Variants in DLG2 observed in about 807,000 individuals in gnomAD.
DLG2 encodes the protein disks large homolog 2.
A neutral mutation model predicts 132.5 loss-of-function variants in DLG2; 45 were observed. The ratio of observed to expected loss-of-function variants is 0.34; its 90% CI spans 0.27 to 0.44. The LOEUF (loss-of-function observed/expected upper bound fraction) is 0.44, where lower values mean the gene tolerates loss of function less well. DLG2 is among the 20% of genes least tolerant of loss of function. The pLI, the probability that DLG2 is intolerant of heterozygous loss-of-function variation, is 1.00. For missense variants in DLG2, 1,045 were observed against 1,196.9 expected (o/e 0.87, Z 1.87); for synonymous variants, 424 against 419.6 (o/e 1.01, Z -0.13).
intron 5 of DLG2, among the ~76,000 whole-genome samples, chr11:85,138,285 T>C (rs958381637): frequency 1.3e-5 from 2 of 152,066 alleles, no homozygotes; most frequent in African/African-American, 2.4e-5. Context: ...AATGTAAACA[T>C]TCAATAAAAA....
intron 5 of DLG2, among the ~76,000 whole-genome samples, chr11:85,127,511 G>T (rs1306166841): frequency 6.6e-6 from 1 of 152,000 alleles, no homozygotes; most frequent in Non-Finnish European, 1.5e-5. Flanking sequence ...TTCTGTAATT[G>T]GTTGTTTTCC....
intron 4 of DLG2, among the ~76,000 whole-genome samples, chr11:85,181,035 ATTGT>A (rs761602762): frequency 1.3e-5 from 2 of 151,446 alleles, no homozygotes; most frequent in Non-Finnish European, 3.0e-5. Flanking sequence ...AAATTTATCA[ATTGT>A]TTATTATTTA....
At chr11:84,476,178 C>T (rs1021573191) in intron 7 of DLG2, among the ~76,000 whole-genome samples, 5 of 152,100 alleles carry the variant, frequency 3.3e-5, no homozygotes, top group Non-Finnish European at 7.4e-5. Flanking sequence ...TTCAAAATCA[C>T]ATAACTAATA....
At chr11:84,341,615 T>A (rs1052179941) in intron 7 of DLG2, among the ~76,000 whole-genome samples, 5 of 152,212 alleles carry the variant, frequency 3.3e-5, no homozygotes, top group African/African-American at 1.2e-4. Flanking sequence ...GGGTTGAGAA[T>A]CACTGCATAA....
intron 3 of DLG2, among the ~76,000 whole-genome samples, chr11:85,565,748 T>G (rs1457766160): frequency 1.3e-5 from 2 of 152,152 alleles, no homozygotes; most frequent in Non-Finnish European, 2.9e-5. Flanking sequence ...TCTTTATTCA[T>G]CAGTTGATGG....
chr11:84,703,334 C>T (rs1327198111), intron 6 of DLG2, among the ~76,000 whole-genome samples: 1 of 151,482 alleles, frequency 6.6e-6, no homozygotes, highest in African/African-American at 2.4e-5. Flanking sequence ...CTGAAGAAAA[C>T]CCTGAGACCC....
At chr11:85,235,463 A>C (rs1022480911) in intron 4 of DLG2, among the ~76,000 whole-genome samples, 1 of 151,996 alleles carries the variant, frequency 6.6e-6, no homozygotes, top group Non-Finnish European at 1.5e-5. Flanking sequence ...AATTATAGTA[A>C]GAAAAGTTTA....
chr11:84,226,072 A>C (rs1462137550), intron 8 of DLG2, among the ~76,000 whole-genome samples: 1 of 152,190 alleles, frequency 6.6e-6, no homozygotes, highest in Non-Finnish European at 1.5e-5. Flanking sequence ...TGGCCTCCCA[A>C]AGCGTTGGGA....
chr11:85,147,726 T>C (rs1045690107), intron 5 of DLG2, among the ~76,000 whole-genome samples: 16 of 151,692 alleles, frequency 1.1e-4, no homozygotes, highest in Non-Finnish European at 2.2e-4. Context: ...TGAACCAGTA[T>C]GGTCAATATT....
intron 9 of DLG2, among the ~76,000 whole-genome samples, chr11:84,160,838 G>A (rs1159430216): frequency 6.6e-6 from 1 of 152,130 alleles, no homozygotes; most frequent in Non-Finnish European, 1.5e-5. Context: ...TAGTAGACCT[G>A]GTAGTAGGAA....
At chr11:83,807,736 C>T (rs867682119) in intron 17 of DLG2, among the ~76,000 whole-genome samples, 2 of 152,100 alleles carry the variant, frequency 1.3e-5, no homozygotes, top group Non-Finnish European at 2.9e-5. Flanking sequence ...GAATACTGAA[C>T]AAGAGGGTAT....
intron 7 of DLG2, among the ~76,000 whole-genome samples, chr11:84,285,824 C>G (rs2097904058): frequency 6.6e-6 from 1 of 152,124 alleles, no homozygotes; most frequent in African/African-American, 2.4e-5. Context: ...TGGATAAAAA[C>G]TAGTTCTTTT....
intron 7 of DLG2, chr11:84,317,151 A>G (rs953664537): frequency 1.6e-5 from 25 of 1,603,132 alleles, no homozygotes; most frequent in Non-Finnish European, 2.1e-5. Context: ...TTCATACTGC[A>G]CTGATGCCTA....
chr11:85,506,880 G>T (rs1181774326), intron 3 of DLG2, among the ~76,000 whole-genome samples: 5 of 151,946 alleles, frequency 3.3e-5, no homozygotes, highest in Non-Finnish European at 7.4e-5. Flanking sequence ...CTAAGGACTT[G>T]CTTTATGAAT....
chr11:85,116,212 C>T (rs1555374371), intron 5 of DLG2, among the ~76,000 whole-genome samples: 1 of 151,864 alleles, frequency 6.6e-6, no homozygotes, highest in Non-Finnish European at 1.5e-5. Context: ...AATTATAAAG[C>T]ATTAATTATT....
At chr11:83,792,925 C>T (rs1169173221) in intron 17 of DLG2, among the ~76,000 whole-genome samples, 1 of 152,116 alleles carries the variant, frequency 6.6e-6, no homozygotes, top group Non-Finnish European at 1.5e-5. Context: ...CGATTTTCAA[C>T]TTCCTCACAC....
At chr11:85,618,294 A>G (rs1290860191) in intron 2 of DLG2, among the ~76,000 whole-genome samples, 1 of 152,188 alleles carries the variant, frequency 6.6e-6, no homozygotes, top group Non-Finnish European at 1.5e-5. Context: ...TCTCCCTTAT[A>G]CTAAAAAATA....
chr11:84,542,592 C>T (rs1040350699), intron 6 of DLG2, among the ~76,000 whole-genome samples: 10 of 152,008 alleles, frequency 6.6e-5, no homozygotes, highest in Admixed American at 6.6e-4. Flanking sequence ...TGGAAGAAAG[C>T]CTCTTAATTT....
intron 21 of DLG2, among the ~76,000 whole-genome samples, chr11:83,517,388 T>C (rs11607493): frequency 0.048 from 7,264 of 152,258 alleles, 181 homozygotes; most frequent in Middle Eastern, 0.11. Flanking sequence ...CTTTATGGAC[T>C]TCTCTGCATT....
Sources: allele counts gnomAD v4.1 joint callset (sites outside exome capture counted in the v4.1 genomes callset), GRCh38; gene constraint gnomAD v4.1.1; transcripts MANE v1.5; gene names NCBI Gene and HGNC (gene_info 2026-07-23, HGNC 2026-07-21).